TNFRSF8: variants seen among roughly 807,000 people sequenced by gnomAD.
TNFRSF8 encodes TNF receptor superfamily member 8.
A neutral mutation model predicts 70.8 loss-of-function variants in TNFRSF8; 26 were observed. The observed-to-expected ratio is 0.37, with a 90% CI of 0.27 to 0.51. The LOEUF is 0.51. TNFRSF8 is among the 20% of genes least tolerant of loss of function. The pLI, the probability that TNFRSF8 is intolerant of heterozygous loss-of-function variation, is 0.94. For missense variants in TNFRSF8, 720 were observed against 807.9 expected (o/e 0.89, Z 1.32); for synonymous variants, 356 against 339.2 (o/e 1.05, Z -0.54).
At chr1:12,098,890 C>A (rs777603511) in intron 3 of TNFRSF8, among the ~76,000 whole-genome samples, 6 of 152,214 alleles carry the variant, frequency 3.9e-5, no homozygotes, top group African/African-American at 7.2e-5. Context: ...ATTCCTTACA[C>A]AAATTTTACT....
chr1:12,109,098 C>T lies in TNFRSF8; in HGVS notation c.422-468C>T, dbSNP rs1430496215. On this transcript the variant is annotated intron_variant, in intron 4 of 14. Transcript: ENST00000263932. The surrounding 1 kb of genome is among the most constrained non-coding windows in gnomAD (Gnocchi z 4.4). ...TCTATTTCCCTCTCTGTTGGTTCAT[C>T]GGCAAGATACTTACAAGCAGCTCTG... Among the ~76,000 whole-genome samples the T allele has an allele frequency of 2.0e-5, 3 of 152,186 alleles. No homozygotes were observed. Among genetic ancestry groups the T allele is most frequent in the Non-Finnish European group, 4.4e-5 (3 of 68,036 alleles).
chr1:12,140,464 A>G (rs1642231388), intron 14 of TNFRSF8, among the ~76,000 whole-genome samples: 1 of 152,130 alleles, frequency 6.6e-6, no homozygotes, highest in African/African-American at 2.4e-5. Context: ...CATAGCCAAG[A>G]TGAATTCCCT....
intron 12 of TNFRSF8, among the ~76,000 whole-genome samples, chr1:12,134,791 A>G (rs1461671632): frequency 6.6e-6 from 1 of 152,084 alleles, no homozygotes; most frequent in Non-Finnish European, 1.5e-5. Flanking sequence ...TGTCTCCATG[A>G]CCTGCCTTGA....
At position 12,063,674 on chromosome 1, in the gene TNFRSF8, C is replaced by A; in HGVS notation, c.63+13C>A. 1 of 1,269,082 alleles carries A rather than the reference C, an allele frequency of 7.9e-7. No homozygotes were observed. The highest frequency in any genetic ancestry group is 1.0e-6 in the Non-Finnish European group (1 of 998,248). 78.6% of individuals were successfully genotyped at this position (1,269,082 alleles called of 1,614,324 possible). ...AGCCTTCCCACAGGTAAGCGGGTGA[C>A]GGGCGCCTGGGGAGGTGCCGGCGGT... On this transcript the variant is annotated intron_variant, in intron 1 of 14. Coordinates refer to ENST00000263932, the MANE Select transcript of TNFRSF8 (RefSeq NM_001243.5). This position sits in a 1 kb window ranked among gnomAD's most constrained non-coding sequence, Gnocchi z 7.2.
chr1:12,101,856 G>A (rs1641429536), intron 3 of TNFRSF8, among the ~76,000 whole-genome samples: 1 of 151,888 alleles, frequency 6.6e-6, no homozygotes, highest in Non-Finnish European at 1.5e-5. Flanking sequence ...ATTTTTTTTA[G>A]GAGAGGCGGG....
Position 12,104,431 on chromosome 1 carries a change from A to G in TNFRSF8, c.321A>G (p.Glu107=). ...CATGGAACTCCTCCCGTGTCTGCGAATGTCGACCCGGCATGTTCTGTTCCA... is the reference window on the plus strand; with the variant it reads ...CATGGAACTCCTCCCGTGTCTGCGAGTGTCGACCCGGCATGTTCTGTTCCA... ...PCAWNSSRVC[E]CRPGMFCSTS... is the part of the protein sequence containing the mutation. The change falls in exon 4 of 15, where the codon GAA becomes GAG. Residue 107 remains glutamate (E), a synonymous_variant. Transcript: ENST00000263932. 5 of 1,614,016 alleles carry G rather than the reference A, an allele frequency of 3.1e-6. No homozygotes were observed. The highest frequency in any genetic ancestry group is 3.4e-6 in the Non-Finnish European group (4 of 1,179,998).
At position 12,119,679 on chromosome 1, in the gene TNFRSF8, G is replaced by A. The variant is rs1641794848; in HGVS notation, c.947-3605G>A. 6.6e-6 allele frequency among the ~76,000 whole-genome samples: 1 copy of A among 151,722 alleles called. No individual in the cohort carries two copies. The highest frequency in any genetic ancestry group is 2.1e-4 in the South Asian group (1 of 4,818). On this transcript the variant is annotated intron_variant, in intron 8 of 14. Coordinates refer to ENST00000263932, the MANE Select transcript of TNFRSF8 (RefSeq NM_001243.5). This position sits in a 1 kb window ranked among gnomAD's most constrained non-coding sequence, Gnocchi z 4.4. ...TGCAGTGGCATGATCTTGGCTCACT[G>A]CAGCATTGAACTCCTGGGCTCGGGC...
chr1:12,126,303 G>T, intron 12 of TNFRSF8, 67 bp downstream of exon 12: 1 of 1,589,678 alleles, frequency 6.3e-7, no homozygotes, highest in Non-Finnish European at 8.6e-7. Context: ...TGGGCCCGGG[G>T]CGTGGGCTCC....
intron 2 of TNFRSF8, 28 bp downstream of exon 2, chr1:12,084,579 A>C: frequency 2.5e-6 from 4 of 1,601,474 alleles, no homozygotes; most frequent in Non-Finnish European, 3.4e-6. Flanking sequence ...GGGTGGGGAG[A>C]AGGGGGGAAA....
chr1:12,120,517 GA>G lies in TNFRSF8; in HGVS notation c.947-2765del, dbSNP rs1641810414. ...GACAAGAAATATACAGTCCAAATAT[GA>G]AGATGAAATTTCACCTGATTTTAAG... On this transcript the variant is annotated intron_variant, in intron 8 of 14. Transcript: ENST00000263932. 1.3e-5 allele frequency among the ~76,000 whole-genome samples: 2 copies of G among 152,322 alleles called. 1 individual carries two copies. Among genetic ancestry groups the G allele is most frequent in the South Asian group, 4.1e-4 (2 of 4,828 alleles).
chr1:12,132,667 GTC>G (rs997855425), intron 12 of TNFRSF8, among the ~76,000 whole-genome samples: 2 of 152,064 alleles, frequency 1.3e-5, no homozygotes, highest in Admixed American at 1.3e-4. Flanking sequence ...GTGAAACCCT[GTC>G]TCTACCGAAA....
At chr1:12,102,336 C>A (rs182947804) in intron 3 of TNFRSF8, among the ~76,000 whole-genome samples, 30 of 152,260 alleles carry the variant, frequency 2.0e-4, no homozygotes, top group Non-Finnish European at 3.5e-4. Context: ...CTATCCAGAG[C>A]CTTTCCCCCT....
chr1:12,091,695 C>T (rs1641250568), intron 2 of TNFRSF8, among the ~76,000 whole-genome samples: 1 of 152,164 alleles, frequency 6.6e-6, no homozygotes, highest in South Asian at 2.1e-4. Flanking sequence ...TGTTAGTTTG[C>T]TGGGGCTGCT....
At chr1:12,095,628 A>G (rs1431452952) in intron 2 of TNFRSF8, among the ~76,000 whole-genome samples, 1 of 152,220 alleles carries the variant, frequency 6.6e-6, no homozygotes, top group Non-Finnish European at 1.5e-5. Context: ...TGATAACCAT[A>G]TTCCAAGGTA....
At chr1:12,075,854 A>T (rs1640938116) in intron 1 of TNFRSF8, among the ~76,000 whole-genome samples, 1 of 152,110 alleles carries the variant, frequency 6.6e-6, no homozygotes, top group African/African-American at 2.4e-5. Flanking sequence ...TAAACCACAA[A>T]TGACACCTCC....
At chr1:12,127,098 C>T (rs1026450042) in intron 12 of TNFRSF8, among the ~76,000 whole-genome samples, 1 of 152,242 alleles carries the variant, frequency 6.6e-6, no homozygotes, top group African/African-American at 2.4e-5. Context: ...TGTCTTCTAG[C>T]TCTCACCTGG....
intron 3 of TNFRSF8, among the ~76,000 whole-genome samples, chr1:12,103,852 A>G (rs1641468264): frequency 6.6e-6 from 1 of 152,178 alleles, no homozygotes; most frequent in African/African-American, 2.4e-5. Flanking sequence ...ATGACCTGAT[A>G]ATGATGCATT....
intron 2 of TNFRSF8, among the ~76,000 whole-genome samples, chr1:12,096,512 C>T (rs1641334056): frequency 6.6e-6 from 1 of 151,556 alleles, no homozygotes; most frequent in Admixed American, 6.6e-5. Flanking sequence ...TCATTCAGAG[C>T]TGTCCTGGGC....
chr1:12,139,038 G>A (rs1040004123), intron 14 of TNFRSF8, among the ~76,000 whole-genome samples: 3 of 140,210 alleles, frequency 2.1e-5, no homozygotes, highest in Non-Finnish European at 4.4e-5. Context: ...GCTTCCCAAC[G>A]GCAGCTGCTG....
Sources: allele counts gnomAD v4.1 joint callset (sites outside exome capture counted in the v4.1 genomes callset), GRCh38; gene constraint gnomAD v4.1.1; non-coding constraint Gnocchi (gnomAD v3.1); transcripts MANE v1.5; gene names NCBI Gene and HGNC (gene_info 2026-07-23, HGNC 2026-07-21).